Variants in SLC44A5 observed in about 807,000 individuals in gnomAD.
SLC44A5 encodes choline transporter-like protein 5.
Under a neutral mutation model 101.8 loss-of-function variants are expected in SLC44A5, and 57 were observed. The observed-to-expected ratio is 0.56, with a 90% confidence interval of 0.45 to 0.70. The LOEUF (loss-of-function observed/expected upper bound fraction) is 0.70. Ranked by LOEUF, SLC44A5 falls within the 30% of genes least tolerant of loss-of-function variation. The pLI is 0.00. For synonymous variants in SLC44A5, 281 were observed against 290.9 expected (o/e 0.97, Z 0.35); for missense variants, 737 against 853.1 (o/e 0.86, Z 1.70).
At chr1:75,715,497 C>T in the SLC44A5 span, among the ~76,000 whole-genome samples, 2 of 152,122 alleles carry the variant, frequency 1.3e-5, no homozygotes, top group Non-Finnish European at 2.9e-5. Context: ...AGCTGCACAC[C>T]TACAACCATC....
At chr1:75,496,048 C>CT (rs201697799) in intron 2 of SLC44A5, among the ~76,000 whole-genome samples, 2,621 of 151,730 alleles carry the variant, frequency 0.017, 68 homozygotes, top group African/African-American at 0.06. Context: ...CTCATTCATC[C>CT]TTTTTTTTGG....
intron 5 of SLC44A5, among the ~76,000 whole-genome samples, chr1:75,289,841 G>A (rs189259174): frequency 1.1e-4 from 17 of 152,304 alleles, no homozygotes; most frequent in Admixed American, 6.5e-4. Flanking sequence ...AGAGGCCAAT[G>A]ATTTGGCTAC....
intron 2 of SLC44A5, among the ~76,000 whole-genome samples, chr1:75,537,397 A>T (rs998958887): frequency 2.6e-5 from 4 of 152,214 alleles, no homozygotes; most frequent in Non-Finnish European, 4.4e-5. Context: ...GTTAGATAAC[A>T]TGTATCTCTC....
At chr1:75,316,618 A>T (rs1217298852) in intron 4 of SLC44A5, among the ~76,000 whole-genome samples, 3 of 152,246 alleles carry the variant, frequency 2.0e-5, no homozygotes, top group Admixed American at 1.3e-4. Context: ...GTAGTTAATA[A>T]ATATTTGTTA....
intron 1 of SLC44A5, among the ~76,000 whole-genome samples, chr1:75,578,703 C>A (rs1028108110): frequency 3.9e-5 from 6 of 151,992 alleles, no homozygotes; most frequent in African/African-American, 1.5e-4. Context: ...AAACAAGTTC[C>A]AGAGCTTTAT....
intron 2 of SLC44A5, among the ~76,000 whole-genome samples, chr1:75,412,538 C>G (rs1432896554): frequency 6.6e-6 from 1 of 152,100 alleles, no homozygotes; most frequent in Non-Finnish European, 1.5e-5. Context: ...ATAGAGGTCT[C>G]CATCAGGCAG....
intron 2 of SLC44A5, among the ~76,000 whole-genome samples, chr1:75,465,270 A>G (rs1666752466): frequency 6.6e-6 from 1 of 152,180 alleles, no homozygotes; most frequent in Non-Finnish European, 1.5e-5. Context: ...AAATTAAACA[A>G]TATGCTCCTG....
At chr1:75,255,644 C>A (rs1010772340) in intron 6 of SLC44A5, among the ~76,000 whole-genome samples, 8 of 151,968 alleles carry the variant, frequency 5.3e-5, no homozygotes, top group African/African-American at 1.7e-4. Context: ...TTGTCCAGAG[C>A]TGATGAGAGT....
At chr1:75,538,119 C>T (rs1671154510) in intron 2 of SLC44A5, 1 of 152,176 alleles carries the variant, frequency 6.6e-6, no homozygotes, top group Non-Finnish European at 1.5e-5. Flanking sequence ...GAGACCACTA[C>T]AGGAGTGAGA....
intron 6 of SLC44A5, among the ~76,000 whole-genome samples, chr1:75,271,497 T>TTTTTTGTGTGTGTGTGTGTGTG (rs1553152601): frequency 1.4e-5 from 2 of 146,302 alleles, no homozygotes; most frequent in Non-Finnish European, 3.0e-5. Context: ...TCTGCATGTT[T>TTTTTTGTGTGTGTGTGTGTGTG]TGTGTGTGTG....
chr1:75,214,056 G>T, intron 20 of SLC44A5, 67 bp from the exon 21 acceptor site: 1 of 1,020,698 alleles, frequency 9.8e-7, no homozygotes, highest in Non-Finnish European at 1.5e-6. Context: ...GAAATTTATG[G>T]CAGTAAATTT....
the SLC44A5 span, among the ~76,000 whole-genome samples, chr1:75,661,386 G>GA: frequency 9.6e-5 from 1 of 10,374 alleles, no homozygotes; most frequent in African/African-American, 3.7e-4. Flanking sequence ...ACTACTGCAA[G>GA]TAAAAAAAAA....
chr1:75,374,712 C>T (rs1246561328), intron 3 of SLC44A5, among the ~76,000 whole-genome samples: 1 of 152,176 alleles, frequency 6.6e-6, no homozygotes, highest in Non-Finnish European at 1.5e-5. Flanking sequence ...CCCTTCAGCG[C>T]TCAATGCCTG....
chr1:75,350,160 T>G (rs1658538468), intron 3 of SLC44A5, among the ~76,000 whole-genome samples: 1 of 148,932 alleles, frequency 6.7e-6, no homozygotes, highest in African/African-American at 2.6e-5. Context: ...GATAGAATCA[T>G]GAGAGAGGGG....
intron 16 of SLC44A5, 60 bp downstream of exon 16, chr1:75,219,197 A>T (rs1647024863): frequency 1.7e-6 from 2 of 1,183,298 alleles, no homozygotes; most frequent in Admixed American, 1.7e-5. Flanking sequence ...ACAACTACAA[A>T]ATGAATTGCA....
chr1:75,384,165 C>A (rs1661123181), intron 3 of SLC44A5, among the ~76,000 whole-genome samples: 3 of 152,084 alleles, frequency 2.0e-5, no homozygotes, highest in Admixed American at 1.3e-4. Flanking sequence ...GCAAAATAAC[C>A]AGCTAACATC....
At chr1:75,518,766 A>G (rs141955342) in intron 2 of SLC44A5, among the ~76,000 whole-genome samples, 1 of 152,338 alleles carries the variant, frequency 6.6e-6, no homozygotes, top group East Asian at 1.9e-4. Context: ...CACATATTGT[A>G]TGATTCCATA....
intron 4 of SLC44A5, among the ~76,000 whole-genome samples, chr1:75,331,469 C>T (rs1311952646): frequency 6.6e-6 from 1 of 152,142 alleles, no homozygotes; most frequent in Non-Finnish European, 1.5e-5. Flanking sequence ...TGAGTCTATA[C>T]AAGTCTCTCT....
chr1:75,457,323 A>G (rs1485850769), intron 2 of SLC44A5, among the ~76,000 whole-genome samples: 3 of 152,254 alleles, frequency 2.0e-5, no homozygotes, highest in Non-Finnish European at 2.9e-5. Flanking sequence ...CATAAATAGT[A>G]TTGCAATCAC....
Sources: allele counts gnomAD v4.1 joint callset (sites outside exome capture counted in the v4.1 genomes callset), GRCh38; gene constraint gnomAD v4.1.1; transcripts MANE v1.5; gene names NCBI Gene and HGNC (gene_info 2026-07-23, HGNC 2026-07-21).